The following NFIB variants were observed in gnomAD, a reference collection of about 807,000 sequenced individuals.
The protein encoded by NFIB is nuclear factor 1 B-type.
NFIB carries 11 observed loss-of-function variants against 61.5 expected under a neutral mutation model. The ratio of observed to expected loss-of-function variants is 0.18; its 90% CI spans 0.11 to 0.30. The LOEUF (loss-of-function observed/expected upper bound fraction) is 0.30. NFIB is among the 10% of genes least tolerant of loss of function. NFIB has a pLI of 1.00. For missense variants in NFIB, 471 were observed against 608.9 expected (o/e 0.77, Z 2.38); for synonymous variants, 260 against 216.5 (o/e 1.20, Z -1.76).
Position 14,187,695 on chromosome 9 carries a change from A to C in NFIB, c.563-7915T>G, listed in dbSNP as rs78437757. Among the ~76,000 whole-genome samples the C allele has an allele frequency of 2.5e-3, 388 of 152,324 alleles. 2 individuals carry two copies. The highest frequency in any genetic ancestry group is 8.8e-3 in the African/African-American group (365 of 41,584). On this transcript the variant is annotated intron_variant, in intron 2 of 10. Coordinates refer to ENST00000380953, the MANE Select transcript of NFIB (RefSeq NM_001190737.2). ...GAGTCATATCCCAAGGATTAAAATA[A>C]GGATTTGTTAGCGCTCAAGACTGAA...
intron 1 of NFIB, among the ~76,000 whole-genome samples, chr9:14,359,727 C>T (rs1453268045): frequency 1.3e-5 from 2 of 152,162 alleles, no homozygotes; most frequent in African/African-American, 2.4e-5. Flanking sequence ...AATGGGAACT[C>T]AGCTTCTATG....
At chr9:14,458,421 G>T in the NFIB span, among the ~76,000 whole-genome samples, 1 of 152,166 alleles carries the variant, frequency 6.6e-6, no homozygotes, top group Non-Finnish European at 1.5e-5. Flanking sequence ...TACTGAATGG[G>T]CAATATCTGG....
At chr9:14,310,060 T>C (rs1486514319) in intron 1 of NFIB, among the ~76,000 whole-genome samples, 1 of 152,238 alleles carries the variant, frequency 6.6e-6, no homozygotes, top group African/African-American at 2.4e-5. Context: ...ACAGTTTTGA[T>C]TAAATTTGAG....
the NFIB span, among the ~76,000 whole-genome samples, chr9:14,531,463 C>T: frequency 1.8e-4 from 27 of 152,088 alleles, no homozygotes; most frequent in African/African-American, 6.0e-4. Flanking sequence ...TAAGGCAAAG[C>T]GTGGGGGACA....
chr9:14,474,015 A>G, the NFIB span, among the ~76,000 whole-genome samples: 1 of 152,216 alleles, frequency 6.6e-6, no homozygotes, highest in Non-Finnish European at 1.5e-5. Flanking sequence ...GATGAACTGC[A>G]CAACCCTGAT....
chr9:14,097,732 C>T lies in NFIB; in HGVS notation c.1468-9406G>A, dbSNP rs558308135. ...GTTATTTTTTGTTTAAATATTCATT[C>T]TTTTGAGAGCATACATTTTACAAAG... On this transcript the variant is annotated intron_variant, in intron 10 of 10. Coordinates refer to ENST00000380953, the MANE Select transcript of NFIB (RefSeq NM_001190737.2). Among the ~76,000 whole-genome samples, 3 of 152,000 alleles carry T rather than the reference C, an allele frequency of 2.0e-5. No homozygotes were observed. In the East Asian group the frequency reaches 5.8e-4, roughly 29 times the overall value.
At chr9:14,178,966 G>C (rs1316058451) in intron 3 of NFIB, among the ~76,000 whole-genome samples, 1 of 152,046 alleles carries the variant, frequency 6.6e-6, no homozygotes, top group Non-Finnish European at 1.5e-5. Flanking sequence ...GTTTGGTTTT[G>C]TTTTTGTTAG....
the NFIB span, among the ~76,000 whole-genome samples, chr9:14,504,819 T>C: frequency 6.6e-6 from 1 of 152,138 alleles, no homozygotes; most frequent in Non-Finnish European, 1.5e-5. Context: ...TGGATGCCGT[T>C]GGTTTCTTTC....
chr9:14,477,763 A>T, the NFIB span, among the ~76,000 whole-genome samples: 4 of 152,248 alleles, frequency 2.6e-5, no homozygotes, highest in Non-Finnish European at 4.4e-5. Context: ...GAACGTATTC[A>T]GAAGATGTAT....
At chr9:14,182,676 C>G (rs1001649675) in intron 2 of NFIB, among the ~76,000 whole-genome samples, 7 of 145,754 alleles carry the variant, frequency 4.8e-5, no homozygotes, top group African/African-American at 1.8e-4. Context: ...TTGCTCAACA[C>G]CCCCCACCTC....
chr9:14,502,574 C>T, the NFIB span, among the ~76,000 whole-genome samples: 1 of 152,292 alleles, frequency 6.6e-6, no homozygotes, highest in Admixed American at 6.5e-5. Flanking sequence ...GTCATCTGTG[C>T]GTTTCTTACA....
chr9:14,416,788 G>A, the NFIB span, among the ~76,000 whole-genome samples: 1 of 151,754 alleles, frequency 6.6e-6, no homozygotes, highest in Middle Eastern at 3.2e-3. Context: ...AAAGTCCTAG[G>A]CCTTCACATT....
chr9:14,289,249 TAC>T (rs1051017299), intron 2 of NFIB, among the ~76,000 whole-genome samples: 2 of 149,270 alleles, frequency 1.3e-5, no homozygotes, highest in East Asian at 2.0e-4. Flanking sequence ...TGCATACACA[TAC>T]ACACACACAC....
intron 1 of NFIB, among the ~76,000 whole-genome samples, chr9:14,368,482 C>T (rs1010989445): frequency 6.6e-5 from 10 of 152,298 alleles, no homozygotes; most frequent in South Asian, 4.1e-4. Flanking sequence ...ACAGGGCCAC[C>T]GTGTTTCACC....
At chr9:14,236,045 A>C (rs771457414) in intron 2 of NFIB, among the ~76,000 whole-genome samples, 1 of 152,210 alleles carries the variant, frequency 6.6e-6, no homozygotes, top group Non-Finnish European at 1.5e-5. Flanking sequence ...TATTTTTTAA[A>C]GACATATTTA....
chr9:14,518,372 T>TACC, the NFIB span, among the ~76,000 whole-genome samples: 1 of 152,156 alleles, frequency 6.6e-6, no homozygotes, highest in African/African-American at 2.4e-5. Context: ...CTGCCTTCTG[T>TACC]ACCCATCTCT....
chr9:14,216,625 G>A (rs1478599195), intron 2 of NFIB, among the ~76,000 whole-genome samples: 1 of 150,672 alleles, frequency 6.6e-6, no homozygotes. Context: ...CTACAAAAGA[G>A]AGTGAACCTC....
rs1264902870 is a variant in NFIB at position 14,307,188 on chromosome 9, C to T, written c.363G>A (p.Leu121=). Residue 121 remains leucine, a synonymous_variant, in exon 2 of 11, where the codon CTG becomes CTA. Coordinates refer to ENST00000380953, the MANE Select transcript of NFIB (RefSeq NM_001190737.2). The surrounding 1 kb of genome is among the most constrained non-coding windows in gnomAD (Gnocchi z 5.3). Reference sequence around the variant, plus strand: ...GACGCCAGACTTTGTCTGCCTGTCGCAGGCAGTCGATTCTCCTAATCTTAC... The same window carrying T: ...GACGCCAGACTTTGTCTGCCTGTCGTAGGCAGTCGATTCTCCTAATCTTAC... ...QKGKIRRIDC[L]RQADKVWRLD... is the part of the protein sequence containing the mutation. 1 of 1,614,082 alleles carries T rather than the reference C, an allele frequency of 6.2e-7. No homozygotes were observed. The highest frequency in any genetic ancestry group is 2.2e-5 in the East Asian group (1 of 44,844).
chr9:14,332,395 G>C (rs1444465443), intron 1 of NFIB, among the ~76,000 whole-genome samples: 1 of 151,752 alleles, frequency 6.6e-6, no homozygotes, highest in Non-Finnish European at 1.5e-5. Flanking sequence ...AAGAGAGATG[G>C]ATATAAAGTA....
Sources: gnomAD v4.1 joint callset for allele counts (sites outside exome capture counted in the v4.1 genomes callset) on GRCh38, gnomAD v4.1.1 for gene constraint, Gnocchi (gnomAD v3.1) non-coding constraint, MANE v1.5 for transcripts, NCBI Gene and HGNC (gene_info 2026-07-23, HGNC 2026-07-21) for gene names.